The following PDE11A variants were observed in gnomAD, a reference collection of about 807,000 sequenced individuals.
The protein encoded by PDE11A is phosphodiesterase 11A, also known as dual 3',5'-cyclic-AMP and -GMP phosphodiesterase 11A.
A neutral mutation model predicts 100.5 loss-of-function variants in PDE11A; 100 were observed. The ratio of observed to expected loss-of-function variants is 1.00; its 90% CI spans 0.85 to 1.18. The LOEUF (loss-of-function observed/expected upper bound fraction) is 1.18, where lower values mean the gene tolerates loss of function less well. Ranked by LOEUF, PDE11A falls within the 50% of genes most tolerant of loss-of-function variation. PDE11A has a pLI of 0.00. For synonymous variants in PDE11A, 381 were observed against 420.8 expected, an observed-to-expected ratio of 0.91 and a Z score of 1.16; for missense variants, 1,141 against 1,152.6, an observed-to-expected ratio of 0.99 and a Z score of 0.15.
At chr2:177,944,875 T>G (rs1029668340) in intron 2 of PDE11A, among the ~76,000 whole-genome samples, 1 of 136,970 alleles carries the variant, frequency 7.3e-6, no homozygotes. Flanking sequence ...CTCCCTCTCA[T>G]GTGGAGCCAA....
At chr2:177,743,249 G>A (rs1016281991) in intron 10 of PDE11A, among the ~76,000 whole-genome samples, 1 of 152,168 alleles carries the variant, frequency 6.6e-6, no homozygotes, top group South Asian at 2.1e-4. Flanking sequence ...CATGGTTTTT[G>A]TTAGTTATAG....
At chr2:177,838,206 CA>C (rs1442598753) in intron 6 of PDE11A, among the ~76,000 whole-genome samples, 1 of 152,144 alleles carries the variant, frequency 6.6e-6, no homozygotes, top group Admixed American at 6.5e-5. Context: ...GTCTTCCAGC[CA>C]TACCTGTTTG....
chr2:177,788,866 A>C (rs1221379256), intron 9 of PDE11A, among the ~76,000 whole-genome samples: 2 of 152,158 alleles, frequency 1.3e-5, no homozygotes, highest in East Asian at 3.8e-4. Context: ...GAATAGACCA[A>C]TAACAGGATC....
upstream of PDE11A, among the ~76,000 whole-genome samples, chr2:178,074,139 G>T (rs998389818): frequency 6.6e-6 from 1 of 152,044 alleles, no homozygotes; most frequent in Non-Finnish European, 1.5e-5. Flanking sequence ...ACCACATAGT[G>T]TAAAATTTCA....
At chr2:178,061,259 T>C (rs919082860) in intron 1 of PDE11A, among the ~76,000 whole-genome samples, 2 of 152,100 alleles carry the variant, frequency 1.3e-5, no homozygotes, top group Non-Finnish European at 2.9e-5. Context: ...GTGATTTTAC[T>C]ACCAGGGGAT....
chr2:177,947,090 G>C (rs2085449597), intron 2 of PDE11A, among the ~76,000 whole-genome samples: 1 of 43,650 alleles, frequency 2.3e-5, no homozygotes, highest in African/African-American at 6.8e-5. Context: ...CCCCTACTGG[G>C]AAGTGAGGAG....
chr2:178,054,169 G>C (rs1480913444), intron 1 of PDE11A, among the ~76,000 whole-genome samples: 7 of 152,154 alleles, frequency 4.6e-5, no homozygotes, highest in Non-Finnish European at 1.5e-5. Flanking sequence ...CAATGGAACA[G>C]AACAGAGCCC....
chr2:178,047,291 G>A (rs1002371855), intron 1 of PDE11A, among the ~76,000 whole-genome samples: 5 of 151,858 alleles, frequency 3.3e-5, no homozygotes, highest in Admixed American at 6.6e-5. Flanking sequence ...GTGAAACCCC[G>A]TCTTTACTAA....
At chr2:177,756,561 C>T (rs1479099935) in intron 10 of PDE11A, among the ~76,000 whole-genome samples, 1 of 152,262 alleles carries the variant, frequency 6.6e-6, no homozygotes, top group South Asian at 2.1e-4. Context: ...AGGACGGCCA[C>T]CTGTTCCCAC....
At chr2:177,815,058 C>T (rs1315214185) in intron 9 of PDE11A, among the ~76,000 whole-genome samples, 13 of 152,122 alleles carry the variant, frequency 8.5e-5, no homozygotes, top group Admixed American at 8.5e-4. Flanking sequence ...TTAGATGGGA[C>T]TAGTGTATGG....
At chr2:177,775,749 G>T (rs530098409) in intron 9 of PDE11A, among the ~76,000 whole-genome samples, 49 of 152,260 alleles carry the variant, frequency 3.2e-4, no homozygotes, top group Non-Finnish European at 5.6e-4. Context: ...TAAGTTAAAT[G>T]TCACCCCTTC....
At chr2:177,662,051 T>C (rs1020678382) in intron 19 of PDE11A, among the ~76,000 whole-genome samples, 1 of 152,182 alleles carries the variant, frequency 6.6e-6, no homozygotes, top group African/African-American at 2.4e-5. Flanking sequence ...ATCAGGACGA[T>C]ATATAATGTG....
At chr2:178,102,845 T>C (rs916393572) in intron 2 of PDE11A, among the ~76,000 whole-genome samples, 3 of 152,082 alleles carry the variant, frequency 2.0e-5, no homozygotes, top group African/African-American at 7.3e-5. Context: ...AATAGAGTCA[T>C]TGCAGATGTG....
chr2:177,658,719 CTTTT>C (rs60062998), intron 19 of PDE11A, among the ~76,000 whole-genome samples: 1 of 141,558 alleles, frequency 7.1e-6, no homozygotes, highest in Admixed American at 7.0e-5. Flanking sequence ...TGAGTGGTGT[CTTTT>C]TTTTTTTTTT....
chr2:177,927,185 T>C (rs1351579289), intron 2 of PDE11A, among the ~76,000 whole-genome samples: 1 of 152,222 alleles, frequency 6.6e-6, no homozygotes, highest in Non-Finnish European at 1.5e-5. Flanking sequence ...TTCCTTTCAA[T>C]CATTAATTTT....
intron 4 of PDE11A, among the ~76,000 whole-genome samples, chr2:177,887,449 C>T (rs1284542268): frequency 4.3e-5 from 3 of 69,808 alleles, no homozygotes; most frequent in East Asian, 4.4e-4. Flanking sequence ...CTGGACAAGC[C>T]GTTAAAAAAG....
chr2:177,827,113 C>T (rs182843781), intron 6 of PDE11A, among the ~76,000 whole-genome samples: 2 of 152,256 alleles, frequency 1.3e-5, no homozygotes, highest in African/African-American at 4.8e-5. Context: ...GGCTTTAATG[C>T]TCTAAATCAG....
chr2:178,085,972 T>C (rs922663644), intron 2 of PDE11A, among the ~76,000 whole-genome samples: 17 of 152,180 alleles, frequency 1.1e-4, no homozygotes, highest in Non-Finnish European at 4.4e-5. Context: ...TAAAAGACTG[T>C]AACTTAATAA....
chr2:177,846,847 T>G (rs1180087517), intron 5 of PDE11A, among the ~76,000 whole-genome samples: 1 of 152,202 alleles, frequency 6.6e-6, no homozygotes, highest in African/African-American at 2.4e-5. Context: ...TAATCTCAAA[T>G]GGAGCACCAT....
Sources: gnomAD v4.1 joint callset for allele counts (sites outside exome capture counted in the v4.1 genomes callset) on GRCh38, gnomAD v4.1.1 for gene constraint, MANE v1.5 for transcripts, NCBI Gene and HGNC (gene_info 2026-07-23, HGNC 2026-07-21) for gene names.